Variants in TNRC6A observed in about 807,000 individuals in gnomAD.
TNRC6A encodes trinucleotide repeat containing adaptor 6A, also known as trinucleotide repeat-containing gene 6A protein.
In TNRC6A, 44 loss-of-function variants were observed where a neutral mutation model predicts 221.2. The observed-to-expected ratio is 0.20, with a 90% CI of 0.16 to 0.26. The LOEUF is 0.26. TNRC6A is among the 10% of genes least tolerant of loss of function. The pLI, the probability that TNRC6A is intolerant of heterozygous loss-of-function variation, is 1.00. For missense variants in TNRC6A, 2,199 were observed against 2,404.4 expected (o/e 0.91, Z 1.79); for synonymous variants, 847 against 838.5 (o/e 1.01, Z -0.18).
Position 24,789,639 on chromosome 16 carries a change from A to T in TNRC6A, c.997A>T (p.Ser333Cys), listed in dbSNP as rs756494338. The T allele has an allele frequency of 6.2e-7, 1 of 1,614,176 alleles. No individual in the cohort carries two copies. Among genetic ancestry groups the T allele is most frequent in the Non-Finnish European group, 8.5e-7 (1 of 1,180,052 alleles). ...TCQVSVDAPESKSESSNNRMN... is the reference protein window; with the variant it reads ...TCQVSVDAPECKSESSNNRMN... ...TCAGGTCTCTGTGGATGCTCCTGAAAGCAAATCTGAAAGTAGCAACAATAG... is the reference window on the plus strand; with the variant it reads ...TCAGGTCTCTGTGGATGCTCCTGAATGCAAATCTGAAAGTAGCAACAATAG... The change falls in exon 6 of 25, where the codon AGC becomes TGC. Residue 333 changes from serine to cysteine, a missense_variant. By Grantham distance (112) the Ser-to-Cys change is moderately radical. Transcript: ENST00000395799.
At chr16:24,731,968 G>A (rs761355777) in intron 2 of TNRC6A, among the ~76,000 whole-genome samples, 9 of 152,218 alleles carry the variant, frequency 5.9e-5, no homozygotes, top group African/African-American at 9.6e-5. Flanking sequence ...TGTTCACAGA[G>A]GGCATGTACA....
rs369653326 is a variant in TNRC6A, at chr16:24,794,554, T to C, written c.3363T>C (p.Ser1121=). 1.2e-6 allele frequency: 2 copies of C among 1,609,380 alleles called. No individual in the cohort carries two copies. Among genetic ancestry groups the C allele is most frequent in the African/African-American group, 2.7e-5 (2 of 74,716 alleles). The change falls in exon 8 of 25, where the codon TCT becomes TCC. Residue 1121 remains serine, a synonymous_variant. Transcript: ENST00000395799. The part of the protein sequence containing the change: ...PQALSKSGPK[S]MQDGWCGDDM... ...CAAATCCACAATCAGGGCCAAAATC[T>C]ATGCAAGATGGCTGGTGTGGTGATG...
At chr16:24,656,308 CA>C (rs897345020) in intron 2 of TNRC6A, among the ~76,000 whole-genome samples, 4 of 149,936 alleles carry the variant, frequency 2.7e-5, no homozygotes, top group East Asian at 2.0e-4. Context: ...ACTAAAAATA[CA>C]AAAAAAAATT....
At chr16:24,649,816 CTTTTT>C (rs35308503) in intron 2 of TNRC6A, among the ~76,000 whole-genome samples, 41 of 78,924 alleles carry the variant, frequency 5.2e-4, no homozygotes, top group African/African-American at 1.2e-3. Flanking sequence ...CTCTCTCTCT[CTTTTT>C]TTTTTTTTTT....
At chr16:24,653,307 C>T (rs534327756) in intron 2 of TNRC6A, among the ~76,000 whole-genome samples, 1 of 152,122 alleles carries the variant, frequency 6.6e-6, no homozygotes, top group East Asian at 1.9e-4. Context: ...GACAGCAAGC[C>T]CTGTGGAAAA....
At chr16:24,709,789 C>T (rs990793068) in intron 2 of TNRC6A, among the ~76,000 whole-genome samples, 2 of 135,970 alleles carry the variant, frequency 1.5e-5, no homozygotes, top group African/African-American at 5.8e-5. Flanking sequence ...TACACTATTG[C>T]GTGCCAGCCT....
At chr16:24,681,999 G>A (rs2055541199) in intron 2 of TNRC6A, among the ~76,000 whole-genome samples, 1 of 152,034 alleles carries the variant, frequency 6.6e-6, no homozygotes, top group Non-Finnish European at 1.5e-5. Flanking sequence ...TGTTCCCCAC[G>A]GCCTCGCCAG....
At chr16:24,758,308 A>G in intron 3 of TNRC6A, 31 bp from the exon 4 acceptor site, 1 of 1,592,750 alleles carries the variant, frequency 6.3e-7, no homozygotes, top group South Asian at 1.1e-5. Context: ...TCATATTTAC[A>G]TTGTTTTTTG....
intron 2 of TNRC6A, among the ~76,000 whole-genome samples, chr16:24,691,657 G>A (rs6497751): frequency 0.83 from 125,821 of 152,014 alleles, 52,620 homozygotes; most frequent in African/African-American, 0.95. Flanking sequence ...AGTCCCAGCT[G>A]CTCAGGAGGC....
At chr16:24,764,640 A>C (rs182019647) in intron 4 of TNRC6A, among the ~76,000 whole-genome samples, 174 of 152,108 alleles carry the variant, frequency 1.1e-3, no homozygotes, top group African/African-American at 4.1e-3. Flanking sequence ...ATTCATCTTT[A>C]TTTATCCATA....
intron 4 of TNRC6A, 127 bp downstream of exon 4, chr16:24,758,487 C>T (rs1341197297): frequency 1.1e-6 from 1 of 927,910 alleles, no homozygotes; most frequent in Non-Finnish European, 1.7e-6. Flanking sequence ...TAGCCTTCTT[C>T]AGTAACATAC....
At chr16:24,813,276 C>T (rs558780395) in intron 18 of TNRC6A, among the ~76,000 whole-genome samples, 1 of 152,250 alleles carries the variant, frequency 6.6e-6, no homozygotes, top group African/African-American at 2.4e-5. Flanking sequence ...ATTGGGCTTC[C>T]AGTAAGCCCA....
intron 18 of TNRC6A, among the ~76,000 whole-genome samples, chr16:24,810,382 A>G (rs1314016319): frequency 6.6e-6 from 1 of 152,246 alleles, no homozygotes; most frequent in East Asian, 1.9e-4. Flanking sequence ...GTATGTATAT[A>G]CGTAAAATTA....
At chr16:24,702,317 T>A (rs2056002529) in intron 2 of TNRC6A, among the ~76,000 whole-genome samples, 1 of 151,458 alleles carries the variant, frequency 6.6e-6, no homozygotes, top group South Asian at 2.1e-4. Context: ...AGCTGGGACT[T>A]CAGGCACATG....
intron 1 of TNRC6A, among the ~76,000 whole-genome samples, chr16:24,625,737 C>CAAAAAAAAAAAAAAAAA: frequency 4.2e-5 from 1 of 24,028 alleles, no homozygotes; most frequent in African/African-American, 1.5e-4. Context: ...CGTCTCAAAA[C>CAAAAAAAAAAAAAAAAA]AAAAAAAAAA....
intron 2 of TNRC6A, among the ~76,000 whole-genome samples, chr16:24,732,855 C>T (rs2056676534): frequency 6.6e-6 from 1 of 152,144 alleles, no homozygotes; most frequent in African/African-American, 2.4e-5. Flanking sequence ...GGCTGAGAAC[C>T]ACTGCTCTAG....
chr16:24,670,509 G>C (rs916716325), intron 2 of TNRC6A, among the ~76,000 whole-genome samples: 8 of 152,144 alleles, frequency 5.3e-5, no homozygotes, highest in Non-Finnish European at 5.9e-5. Flanking sequence ...TTTGGAAGCA[G>C]TCTGGATATT....
intron 2 of TNRC6A, among the ~76,000 whole-genome samples, chr16:24,689,963 C>G (rs898328474): frequency 3.2e-5 from 4 of 125,738 alleles, no homozygotes; most frequent in African/African-American, 1.2e-4. Flanking sequence ...GTTGCCTAGG[C>G]TGGTCTCAAA....
At chr16:24,751,175 T>C (rs914891666) in intron 3 of TNRC6A, among the ~76,000 whole-genome samples, 2 of 152,098 alleles carry the variant, frequency 1.3e-5, no homozygotes, top group Non-Finnish European at 2.9e-5. Flanking sequence ...CATAGAATGG[T>C]GTGACTTTAG....
Sources: allele counts gnomAD v4.1 joint callset (sites outside exome capture counted in the v4.1 genomes callset), GRCh38; gene constraint gnomAD v4.1.1; transcripts MANE v1.5; gene names NCBI Gene and HGNC (gene_info 2026-07-23, HGNC 2026-07-21).